The following INPP4B variants were observed in gnomAD, a reference collection of about 807,000 sequenced individuals.
INPP4B encodes inositol polyphosphate-4-phosphatase type II B.
In INPP4B, 55 loss-of-function variants were observed where a neutral mutation model predicts 122.5. The observed-to-expected ratio is 0.45, with a 90% CI of 0.36 to 0.56. The LOEUF (loss-of-function observed/expected upper bound fraction) is 0.56, where lower values mean the gene tolerates loss of function less well. Ranked by LOEUF, INPP4B falls within the 20% of genes least tolerant of loss-of-function variation. INPP4B has a pLI of 0.00. For missense variants in INPP4B, 1,000 were observed against 1,097.7 expected (o/e 0.91, Z 1.26); for synonymous variants, 403 against 388.7 (o/e 1.04, Z -0.43).
At position 142,123,421 on chromosome 4, in the gene INPP4B, A is replaced by G; in HGVS notation, c.1894-6T>C. 2.5e-6 allele frequency: 4 copies of G among 1,608,226 alleles called. No individual in the cohort carries two copies. Among genetic ancestry groups the G allele is most frequent in the Non-Finnish European group, 3.4e-6 (4 of 1,178,034 alleles). The stretch of plus-strand genomic sequence containing the variant: ...CCACAAACCAATCCAGCAAGCTGAA[A>G]AAAAAATATTGATGAGATTTACTGC... On this transcript the variant is annotated splice_polypyrimidine_tract_variant and splice_region_variant and intron_variant, in intron 19 of 25. Transcript: ENST00000262992.
chr4:142,417,795 T>C (rs1165604849), intron 5 of INPP4B, among the ~76,000 whole-genome samples: 2 of 152,048 alleles, frequency 1.3e-5, no homozygotes, highest in Non-Finnish European at 2.9e-5. Flanking sequence ...ATCCAAAGGC[T>C]CTCTCAGGCT....
At chr4:142,289,560 CGT>C (rs968003782) in intron 9 of INPP4B, among the ~76,000 whole-genome samples, 10 of 152,242 alleles carry the variant, frequency 6.6e-5, no homozygotes, top group Non-Finnish European at 1.3e-4. Context: ...GGACAGGCCC[CGT>C]GTGTGTTGTT....
intron 2 of INPP4B, among the ~76,000 whole-genome samples, chr4:142,605,439 A>T (rs1298435307): frequency 6.6e-6 from 1 of 152,058 alleles, no homozygotes; most frequent in East Asian, 1.9e-4. Context: ...ACTATATTAA[A>T]CTAAAAAGCT....
chr4:142,323,668 A>G (rs1405330660), intron 7 of INPP4B, among the ~76,000 whole-genome samples: 5 of 151,564 alleles, frequency 3.3e-5, no homozygotes, highest in South Asian at 4.2e-4. Context: ...GATGGTCTCA[A>G]TCTCCTGACC....
chr4:142,569,046 A>G (rs376158960), intron 2 of INPP4B, among the ~76,000 whole-genome samples: 3 of 152,166 alleles, frequency 2.0e-5, no homozygotes, highest in Non-Finnish European at 4.4e-5. Context: ...CAAATTACTT[A>G]AATATACTAT....
At chr4:142,481,140 A>G (rs1434423847) in intron 2 of INPP4B, among the ~76,000 whole-genome samples, 1 of 141,306 alleles carries the variant, frequency 7.1e-6, no homozygotes, top group Non-Finnish European at 1.5e-5. Context: ...TCTCAAAAAA[A>G]AAAAAAAAAA....
intron 17 of INPP4B, among the ~76,000 whole-genome samples, chr4:142,149,272 A>C (rs1812487604): frequency 6.6e-6 from 1 of 152,232 alleles, no homozygotes; most frequent in South Asian, 2.1e-4. Flanking sequence ...AAGCAAGAGA[A>C]GGAGGTGACT....
intron 7 of INPP4B, among the ~76,000 whole-genome samples, chr4:142,398,178 A>G (rs2149086262): frequency 6.6e-6 from 1 of 151,504 alleles, no homozygotes; most frequent in South Asian, 2.1e-4. Flanking sequence ...GATCAAGACC[A>G]TCCTGGCTAA....
chr4:142,589,580 C>G (rs1182896842), intron 2 of INPP4B, among the ~76,000 whole-genome samples: 2 of 152,072 alleles, frequency 1.3e-5, no homozygotes, highest in Non-Finnish European at 2.9e-5. Flanking sequence ...CAAGATACCT[C>G]TACATGCCTA....
chr4:142,231,865 A>T (rs1408380172), intron 12 of INPP4B, among the ~76,000 whole-genome samples: 1 of 151,320 alleles, frequency 6.6e-6, no homozygotes, highest in Admixed American at 6.6e-5. Flanking sequence ...AAGTTATTAT[A>T]AAAAGAAAGT....
At chr4:142,734,176 G>T (rs1223216782) in intron 1 of INPP4B, among the ~76,000 whole-genome samples, 1 of 152,078 alleles carries the variant, frequency 6.6e-6, no homozygotes, top group Non-Finnish European at 1.5e-5. Context: ...TAAGACGAGA[G>T]AAAGACACGA....
At chr4:142,401,756 T>A (rs13135641) in intron 7 of INPP4B, among the ~76,000 whole-genome samples, 43,575 of 152,110 alleles carry the variant, frequency 0.29, 7,664 homozygotes, top group South Asian at 0.45. Context: ...AAAGCCAGTA[T>A]ATGGAACGGA....
At chr4:142,653,238 A>G (rs1477321299) in intron 2 of INPP4B, among the ~76,000 whole-genome samples, 2 of 152,166 alleles carry the variant, frequency 1.3e-5, no homozygotes, top group African/African-American at 4.8e-5. Flanking sequence ...TGGATTAAAG[A>G]CTTAAATGTT....
At chr4:142,186,045 G>A (rs1441700013) in intron 15 of INPP4B, among the ~76,000 whole-genome samples, 1 of 152,050 alleles carries the variant, frequency 6.6e-6, no homozygotes, top group Admixed American at 6.5e-5. Flanking sequence ...CAATCTAAAT[G>A]ACCATCAATG....
intron 17 of INPP4B, among the ~76,000 whole-genome samples, chr4:142,149,602 G>T (rs1464771590): frequency 1.3e-5 from 2 of 152,150 alleles, no homozygotes; most frequent in African/African-American, 4.8e-5. Flanking sequence ...TCAGGTAGAG[G>T]TGTGTGCCAC....
At chr4:142,522,452 C>G (rs928320385) in intron 2 of INPP4B, among the ~76,000 whole-genome samples, 1 of 151,090 alleles carries the variant, frequency 6.6e-6, no homozygotes, top group Non-Finnish European at 1.5e-5. Flanking sequence ...TCAAGACATC[C>G]TCATGCATCA....
chr4:142,804,920 G>C (rs1353649399), intron 1 of INPP4B, among the ~76,000 whole-genome samples: 8 of 152,166 alleles, frequency 5.3e-5, no homozygotes, highest in Admixed American at 5.2e-4. Flanking sequence ...ACTGGCCTCG[G>C]CCTCCCAAAG....
At chr4:142,188,730 T>A (rs1834382939) in intron 15 of INPP4B, among the ~76,000 whole-genome samples, 1 of 151,732 alleles carries the variant, frequency 6.6e-6, no homozygotes, top group Middle Eastern at 3.2e-3. Context: ...ATTGAATGCT[T>A]TCAAATCACT....
chr4:142,779,381 C>T (rs1774445362), intron 1 of INPP4B, among the ~76,000 whole-genome samples: 1 of 152,046 alleles, frequency 6.6e-6, no homozygotes, highest in Non-Finnish European at 1.5e-5. Flanking sequence ...AATGCCCCTT[C>T]ACATGATTTG....
Sources: allele counts gnomAD v4.1 joint callset (sites outside exome capture counted in the v4.1 genomes callset), GRCh38; gene constraint gnomAD v4.1.1; transcripts MANE v1.5; gene names NCBI Gene and HGNC (gene_info 2026-07-23, HGNC 2026-07-21).